The following TASOR2 variants were observed in gnomAD, a reference collection of about 807,000 sequenced individuals.
TASOR2 encodes the protein protein TASOR 2.
TASOR2 carries 84 observed loss-of-function variants against 199.5 expected under a neutral mutation model. The ratio of observed to expected loss-of-function variants is 0.42; its 90% CI spans 0.35 to 0.50. TASOR2 has a LOEUF of 0.50. TASOR2 is among the 20% of genes least tolerant of loss of function. TASOR2 has a pLI of 0.02. For missense variants in TASOR2, 2,796 were observed against 2,835.9 expected, an observed-to-expected ratio of 0.99 and a Z score of 0.32; for synonymous variants, 1,103 against 1,046.6, an observed-to-expected ratio of 1.05 and a Z score of -1.04.
In TASOR2 at chr10:5,742,376, T is replaced by C. The variant is rs916860571; in HGVS notation, c.2607T>C (p.Arg869=). Residue 869 remains arginine (R), a synonymous_variant, in exon 14 of 21, where the codon CGT becomes CGC. Coordinates refer to ENST00000328090, the Ensembl canonical transcript of TASOR2. This position sits in a 1 kb window ranked among gnomAD's most constrained non-coding sequence, Gnocchi z 4.2. ...CTCATGCTGCTGAAGTATCCTTCCG[T>C]GATCCTAACTGCTTGCTTCCTTTCA... is the stretch of plus-strand genomic sequence containing the variant. The C allele has an allele frequency of 3.7e-6, 6 of 1,614,044 alleles. No homozygotes were observed. The highest frequency in any genetic ancestry group is 5.1e-6 in the Non-Finnish European group (6 of 1,180,032).
chr10:5,728,594 A>G (rs1834368522), intron 10 of TASOR2, among the ~76,000 whole-genome samples: 2 of 152,008 alleles, frequency 1.3e-5, no homozygotes. Context: ...CTGGTGACAG[A>G]GGGAGATTCT....
chr10:5,747,601 T>C (rs374984725), exon 15 of TASOR2: 11 of 1,614,078 alleles, frequency 6.8e-6, no homozygotes, highest in African/African-American at 2.7e-5. Context: ...TCCCTTTGAT[T>C]CTGTAATTGA....
rs188282353 is a variant in TASOR2 at position 5,699,592 on chromosome 10, G to A, written c.-287-13231G>A. ...GAAAGAAGAAATACAAGAACTCAAG[G>A]AAGAGACAGCCAGACAACAGTAGAG... On this transcript the variant is annotated intron_variant, in intron 1 of 20. Coordinates refer to ENST00000328090, the Ensembl canonical transcript of TASOR2. This position sits in a 1 kb window ranked among gnomAD's most constrained non-coding sequence, Gnocchi z 4.1. 1.3e-5 allele frequency: 2 copies of A among 153,456 alleles called. No individual in the cohort carries two copies. Among genetic ancestry groups the A allele is most frequent in the African/African-American group, 4.8e-5 (2 of 41,562 alleles). The allele number at this position is 153,456 out of a possible 1,614,324, so 9.5% of individuals were successfully genotyped here.
In TASOR2 at chr10:5,714,359, A is replaced by G. The variant is rs1832331522; in HGVS notation, c.-192+1441A>G. ...TGTTTAGATTTCTAACTTTAAACAT[A>G]TGAATGAGATTTGAGTCTAAAACTT... On this transcript the variant is annotated intron_variant, in intron 2 of 20. Transcript: ENST00000328090. 4 of 422,020 alleles carry G rather than the reference A, an allele frequency of 9.5e-6. No homozygotes were observed. The East Asian group carries it at 1.1e-4, about 12-fold the overall frequency. 26.1% of individuals were successfully genotyped at this position (422,020 alleles called of 1,614,324 possible).
intron 1 of TASOR2, among the ~76,000 whole-genome samples, chr10:5,691,059 T>C (rs533680248): frequency 6.6e-6 from 1 of 150,656 alleles, no homozygotes; most frequent in South Asian, 2.1e-4. Flanking sequence ...GGCATGATGG[T>C]GCATGCCTGT....
rs1836266280 is a variant in TASOR2 at position 5,740,582 on chromosome 10, T to G, written c.2327+85T>G. 2 of 1,383,554 alleles carry G rather than the reference T, an allele frequency of 1.4e-6. No homozygotes were observed. The highest frequency in any genetic ancestry group is 2.9e-5 in the African/African-American group (2 of 69,466). The allele number at this position is 1,383,554 out of a possible 1,614,324, so 85.7% of individuals were successfully genotyped here. ...TGAGATGGGGAAACTTATGCCAAACTCTGGAGAAGGAGAAAGAAGTGTTGT... is the reference window on the plus strand; with the variant it reads ...TGAGATGGGGAAACTTATGCCAAACGCTGGAGAAGGAGAAAGAAGTGTTGT... On this transcript the variant is annotated intron_variant, in intron 13 of 20. Transcript: ENST00000328090. The surrounding 1 kb of genome is among the most constrained non-coding windows in gnomAD (Gnocchi z 5.3).
Position 5,719,049 on chromosome 10 carries a change from G to T in TASOR2, c.-100+1299G>T, listed in dbSNP as rs146042422. ...AAATGTTTGATGAGGAGATGGTAGA[G>T]ATGATTGGTTACTGATAAGTACTAT... On this transcript the variant is annotated intron_variant, in intron 3 of 20. Transcript: ENST00000328090. This position sits in a 1 kb window ranked among gnomAD's most constrained non-coding sequence, Gnocchi z 4.1. 9.8e-5 allele frequency among the ~76,000 whole-genome samples: 15 copies of T among 152,290 alleles called. No individual in the cohort carries two copies. Among genetic ancestry groups the T allele is most frequent in the Admixed American group, 9.2e-4 (14 of 15,300 alleles).
chr10:5,740,519 T>C lies in TASOR2; in HGVS notation c.2327+22T>C, dbSNP rs764427969. 1 of 1,590,360 alleles carries C rather than the reference T, an allele frequency of 6.3e-7. No individual in the cohort carries two copies. The highest frequency in any genetic ancestry group is 8.5e-7 in the Non-Finnish European group (1 of 1,170,938). On this transcript the variant is annotated intron_variant, in intron 13 of 20. Coordinates refer to ENST00000328090, the Ensembl canonical transcript of TASOR2. This position sits in a 1 kb window ranked among gnomAD's most constrained non-coding sequence, Gnocchi z 5.3. The stretch of plus-strand genomic sequence containing the variant: ...ATGGGTGAGTATGAGTGAAACTTAG[T>C]GAAAATGGATGAAACTTTTCTGTTG...
intron 1 of TASOR2, chr10:5,709,468 A>G (rs933838629): frequency 8.4e-6 from 9 of 1,074,128 alleles, no homozygotes; most frequent in African/African-American, 8.2e-5. Flanking sequence ...ATTTGTTTCT[A>G]TAGTAAATAT....
Position 5,699,226 on chromosome 10 carries a change from G to A in TASOR2, c.-287-13597G>A, listed in dbSNP as rs532213856. Among the ~76,000 whole-genome samples the A allele has an allele frequency of 6.6e-6, 1 of 152,232 alleles. No homozygotes were observed. The highest frequency in any genetic ancestry group is 1.5e-5 in the Non-Finnish European group (1 of 67,970). The stretch of plus-strand genomic sequence containing the variant: ...TAAGTGAAAGAAGCCAATCATGAAG[G>A]ACCGCGTGCTGTATGACTCTGTTTA... On this transcript the variant is annotated intron_variant, in intron 1 of 20. Transcript: ENST00000328090. The surrounding 1 kb of genome is among the most constrained non-coding windows in gnomAD (Gnocchi z 4.1).
chr10:5,747,116 G>T, exon 15 of TASOR2: 3 of 1,614,104 alleles, frequency 1.9e-6, no homozygotes, highest in Non-Finnish European at 2.5e-6. Flanking sequence ...CACACATCAG[G>T]TGACTCTTTA....
intron 7 of TASOR2, 79 bp downstream of exon 8, chr10:5,723,856 C>A: frequency 1.3e-6 from 1 of 793,432 alleles, no homozygotes; most frequent in Non-Finnish European, 2.0e-6. Context: ...AACACTCACA[C>A]ATGCACACTT....
chr10:5,705,296 T>C (rs987541506), intron 1 of TASOR2, among the ~76,000 whole-genome samples: 2 of 152,230 alleles, frequency 1.3e-5, no homozygotes, highest in Non-Finnish European at 2.9e-5. Flanking sequence ...TTGCCCAGTT[T>C]AATGTTTTGA....
intron 18 of TASOR2, 118 bp downstream of exon 19, chr10:5,759,110 A>G (rs2131660300): frequency 1.5e-6 from 1 of 684,480 alleles, no homozygotes. Flanking sequence ...AGTAAAGAGC[A>G]TGAGGGCTGC....
At chr10:5,735,633 C>T in intron 12 of TASOR2, 87 bp downstream of exon 13, 2 of 1,458,634 alleles carry the variant, frequency 1.4e-6, no homozygotes, top group Non-Finnish European at 1.8e-6. Flanking sequence ...AGTGTAAGAG[C>T]AGTTGCAATG....
At chr10:5,746,824 G>T (rs781629067) in exon 15 of TASOR2, 23 of 1,614,046 alleles carry the variant, frequency 1.4e-5, no homozygotes, top group Non-Finnish European at 3.4e-6. Context: ...AGAGACACTT[G>T]ATAAAGCAGT....
chr10:5,745,623 T>C (rs578124194), intron 14 of TASOR2, among the ~76,000 whole-genome samples: 1 of 151,992 alleles, frequency 6.6e-6, no homozygotes, highest in East Asian at 1.9e-4. Flanking sequence ...CTACTAAAAA[T>C]ACAAAAATTA....
intron 1 of TASOR2, among the ~76,000 whole-genome samples, chr10:5,707,623 G>C (rs1159645419): frequency 6.6e-6 from 1 of 151,360 alleles, no homozygotes; most frequent in Non-Finnish European, 1.5e-5. Flanking sequence ...TTACCATAAT[G>C]ATCTTAGAGT....
chr10:5,758,799 GT>G (rs1839353476), intron 17 of TASOR2, 87 bp from the exon 19 acceptor site: 1 of 958,574 alleles, frequency 1.0e-6, no homozygotes, highest in African/African-American at 1.6e-5. Context: ...TTTTTTTCTT[GT>G]TTTACAAATA....
Sources: gnomAD v4.1 joint callset for allele counts (sites outside exome capture counted in the v4.1 genomes callset) on GRCh38, gnomAD v4.1.1 for gene constraint, Gnocchi (gnomAD v3.1) non-coding constraint, MANE v1.5 for transcripts, NCBI Gene and HGNC (gene_info 2026-07-23, HGNC 2026-07-21) for gene names.